The following RBFOX1 variants were observed in gnomAD, a reference collection of about 807,000 sequenced individuals.
RBFOX1 encodes the protein RNA binding protein fox-1 homolog 1.
A neutral mutation model predicts 57.7 loss-of-function variants in RBFOX1; 8 were observed. The observed-to-expected ratio is 0.14, with a 90% CI of 0.08 to 0.25. RBFOX1 has a LOEUF of 0.25. RBFOX1 is among the 10% of genes least tolerant of loss of function. The pLI is 1.00. For synonymous variants in RBFOX1, 326 were observed against 222.4 expected (o/e 1.47, Z -4.15); for missense variants, 611 against 548.5 (o/e 1.11, Z -1.14).
intron 3 of RBFOX1, among the ~76,000 whole-genome samples, chr16:6,845,697 C>G (rs1367385532): frequency 9.2e-5 from 14 of 152,258 alleles, no homozygotes; most frequent in South Asian, 2.1e-4. Context: ...CAGAACGTTC[C>G]AGGCCTTGCT....
intron 3 of RBFOX1, among the ~76,000 whole-genome samples, chr16:6,974,076 C>T (rs2086211565): frequency 6.6e-6 from 1 of 152,122 alleles, no homozygotes; most frequent in Non-Finnish European, 1.5e-5. Context: ...TGGCTTCCAG[C>T]TGCATCCATG....
At chr16:6,324,533 A>C (rs1394899775) in intron 2 of RBFOX1, among the ~76,000 whole-genome samples, 1 of 152,148 alleles carries the variant, frequency 6.6e-6, no homozygotes, top group African/African-American at 2.4e-5. Context: ...CAGGAACAAG[A>C]GAGGGAGAGG....
At chr16:5,367,612 C>G (rs2065754351) in intron 1 of RBFOX1, among the ~76,000 whole-genome samples, 1 of 152,230 alleles carries the variant, frequency 6.6e-6, no homozygotes, top group Non-Finnish European at 1.5e-5. Flanking sequence ...CTGGGCGTAA[C>G]AGCAGCTCTA....
chr16:5,843,328 C>G (rs1567614564), intron 3 of RBFOX1, among the ~76,000 whole-genome samples: 2 of 152,170 alleles, frequency 1.3e-5, no homozygotes, highest in African/African-American at 4.8e-5. Context: ...GTGTGCTGTT[C>G]CCTTCTGTGT....
intron 4 of RBFOX1, among the ~76,000 whole-genome samples, chr16:7,093,637 T>A (rs544263326): frequency 6.6e-6 from 1 of 152,246 alleles, no homozygotes; most frequent in East Asian, 1.9e-4. Flanking sequence ...GGGAGCTCAT[T>A]TGTGACTTAC....
rs150164018 is a variant in RBFOX1 at position 5,549,139 on chromosome 16, C to T, written c.259-49763C>T. 2.2e-3 allele frequency among the ~76,000 whole-genome samples: 340 copies of T among 152,324 alleles called. 3 individuals carry two copies. In the Middle Eastern group the frequency reaches 0.024, roughly 11 times the overall value. On this transcript the variant is annotated intron_variant, in intron 2 of 2. Transcript: ENST00000585867. ...ATGAGCAGCTCACTGTACTTGCTTCCTCCCCTGCCTGAACATTGCAGATGG... is the reference window on the plus strand; with the variant it reads ...ATGAGCAGCTCACTGTACTTGCTTCTTCCCCTGCCTGAACATTGCAGATGG...
chr16:6,039,572 G>A (rs1418395545), intron 1 of RBFOX1, among the ~76,000 whole-genome samples: 3 of 152,030 alleles, frequency 2.0e-5, no homozygotes, highest in Admixed American at 6.6e-5. Flanking sequence ...GAATAATTAT[G>A]CATTTCTTAG....
At chr16:5,371,885 C>T (rs1168762811) in intron 1 of RBFOX1, among the ~76,000 whole-genome samples, 3 of 152,134 alleles carry the variant, frequency 2.0e-5, no homozygotes, top group Non-Finnish European at 2.9e-5. Flanking sequence ...AATGCCCTCC[C>T]GAGTCAACGG....
At chr16:7,243,343 GTTC>G (rs1486440242) in intron 4 of RBFOX1, among the ~76,000 whole-genome samples, 1 of 152,098 alleles carries the variant, frequency 6.6e-6, no homozygotes, top group Non-Finnish European at 1.5e-5. Context: ...CTGACCTTTA[GTTC>G]TTTTATGTAT....
At chr16:7,661,269 G>C (rs2067649837) in intron 12 of RBFOX1, among the ~76,000 whole-genome samples, 1 of 152,170 alleles carries the variant, frequency 6.6e-6, no homozygotes, top group Admixed American at 6.5e-5. Flanking sequence ...TTGAAAACAA[G>C]TAATCCCTTC....
intron 2 of RBFOX1, among the ~76,000 whole-genome samples, chr16:6,420,604 A>G (rs2093745322): frequency 6.6e-6 from 1 of 152,200 alleles, no homozygotes. Context: ...GCCCTATTAC[A>G]GATAATGCTG....
chr16:7,548,935 A>G (rs936794291), intron 5 of RBFOX1, among the ~76,000 whole-genome samples: 1 of 152,210 alleles, frequency 6.6e-6, no homozygotes, highest in African/African-American at 2.4e-5. Flanking sequence ...AATGTTGAAC[A>G]TGCAGACCAA....
chr16:5,768,768 G>A (rs1427383069), intron 3 of RBFOX1, among the ~76,000 whole-genome samples: 1 of 152,204 alleles, frequency 6.6e-6, no homozygotes, highest in African/African-American at 2.4e-5. Context: ...GGGTGCTTTA[G>A]TAGCAAATGG....
intron 12 of RBFOX1, among the ~76,000 whole-genome samples, chr16:7,663,184 C>T (rs975703160): frequency 2.0e-5 from 3 of 152,126 alleles, no homozygotes; most frequent in Non-Finnish European, 2.9e-5. Flanking sequence ...GCCTTCTGAC[C>T]CCCCAACCGA....
intron 3 of RBFOX1, among the ~76,000 whole-genome samples, chr16:5,761,464 G>A (rs1015626915): frequency 1.3e-5 from 2 of 152,286 alleles, no homozygotes; most frequent in East Asian, 3.9e-4. Context: ...TAAAGGAAAG[G>A]GGTTCAATTG....
chr16:6,815,255 GT>G (rs2089810588), intron 3 of RBFOX1, among the ~76,000 whole-genome samples: 1 of 152,088 alleles, frequency 6.6e-6, no homozygotes. Context: ...TGCCATCTTG[GT>G]TTTGGTGGGT....
intron 3 of RBFOX1, among the ~76,000 whole-genome samples, chr16:5,848,817 C>T (rs574475869): frequency 2.3e-4 from 35 of 151,908 alleles, no homozygotes; most frequent in Admixed American, 4.6e-4. Flanking sequence ...GGCATGGTGG[C>T]GGACACCTGT....
intron 4 of RBFOX1, among the ~76,000 whole-genome samples, chr16:7,150,397 G>A (rs1218779203): frequency 3.3e-5 from 5 of 152,118 alleles, no homozygotes; most frequent in African/African-American, 1.2e-4. Context: ...AGAACGTCAT[G>A]AATTGGTCCC....
chr16:6,483,206 G>A (rs1458720162), intron 2 of RBFOX1: 3 of 1,197,818 alleles, frequency 2.5e-6, no homozygotes, highest in South Asian at 2.8e-5. Flanking sequence ...GGCCGAGGCC[G>A]GCCGGGGAAG....
Sources: gnomAD v4.1 joint callset for allele counts (sites outside exome capture counted in the v4.1 genomes callset) on GRCh38, gnomAD v4.1.1 for gene constraint, MANE v1.5 for transcripts, NCBI Gene and HGNC (gene_info 2026-07-23, HGNC 2026-07-21) for gene names.